TTC39A: variants seen among roughly 807,000 people sequenced by gnomAD.
TTC39A encodes tetratricopeptide repeat protein 39A.
TTC39A carries 46 observed loss-of-function variants against 82.3 expected under a neutral mutation model. The observed-to-expected ratio is 0.56, with a 90% CI of 0.44 to 0.71. TTC39A has a LOEUF of 0.71. TTC39A is among the 30% of genes least tolerant of loss of function. The probability of loss-of-function intolerance (pLI) is 0.00; values close to 1 mark genes in which losing one functional copy is unlikely to be tolerated. For synonymous variants in TTC39A, 254 were observed against 275.2 expected, an observed-to-expected ratio of 0.92 and a Z score of 0.76; for missense variants, 543 against 712.9, an observed-to-expected ratio of 0.76 and a Z score of 2.71.
chr1:51,288,338 C>T lies in TTC39A; in HGVS notation c.1611-58G>A. The T allele has an allele frequency of 6.2e-7, 1 of 1,610,968 alleles. No individual in the cohort carries two copies. The highest frequency in any genetic ancestry group is 1.1e-5 in the South Asian group (1 of 90,690). ...CTGCCTGCTCCCAGAGATGCTTTTC[C>T]TCCTGTTTGAGCTGTATGAGCCCCG... On this transcript the variant is annotated intron_variant, in intron 17 of 17. Transcript: ENST00000680483. This position sits in a 1 kb window ranked among gnomAD's most constrained non-coding sequence, Gnocchi z 4.8.
rs1348257320 is a variant in TTC39A at position 51,294,436 on chromosome 1, C to A, written c.1221G>T (p.Arg407=). 3.1e-6 allele frequency: 5 copies of A among 1,613,870 alleles called. No homozygotes were observed. In the Admixed American group the frequency reaches 6.7e-5, roughly 22 times the overall value. ...PTEKFAIRKS[R]RYFSSNPISL... is the part of the protein sequence containing the mutation. ...AGATAGGGTTGGAGGAGAAGTAGCGCCGGGACTTCCGGATGGCAAACTTCT... is the reference window on the plus strand; with the variant it reads ...AGATAGGGTTGGAGGAGAAGTAGCGACGGGACTTCCGGATGGCAAACTTCT... Residue 407 remains arginine (R), a synonymous_variant, in exon 14 of 18, where the codon CGG becomes CGT. Coordinates refer to ENST00000680483, the MANE Select transcript of TTC39A (RefSeq NM_001297663.2). The surrounding 1 kb of genome is among the most constrained non-coding windows in gnomAD (Gnocchi z 4.3).
At chr1:51,317,663 T>G (rs1645338955) in intron 2 of TTC39A, among the ~76,000 whole-genome samples, 1 of 152,058 alleles carries the variant, frequency 6.6e-6, no homozygotes, top group African/African-American at 2.4e-5. Flanking sequence ...GGCAGGAGAA[T>G]CGCTTGAACC....
At chr1:51,344,263 C>T (rs1430800430) in intron 1 of TTC39A, among the ~76,000 whole-genome samples, 3 of 152,114 alleles carry the variant, frequency 2.0e-5, no homozygotes, top group Admixed American at 2.0e-4. Flanking sequence ...CTTTCCCTGG[C>T]ACAGCAGGGT....
At chr1:51,312,031 G>C in intron 4 of TTC39A, 88 bp downstream of exon 4, 1 of 1,387,332 alleles carries the variant, frequency 7.2e-7, no homozygotes, top group East Asian at 2.5e-5. Context: ...CCCCCTAGGC[G>C]ATGACAGGGA....
chr1:51,306,853 A>ACCAC (rs1644885655), intron 6 of TTC39A, among the ~76,000 whole-genome samples: 1 of 60,184 alleles, frequency 1.7e-5, no homozygotes, highest in Non-Finnish European at 3.0e-5. Context: ...TAAGGGACAG[A>ACCAC]CCCCCCCCCC....
chr1:51,330,541 G>T lies in TTC39A; in HGVS notation c.-64C>A. 2.0e-6 allele frequency: 2 copies of T among 983,516 alleles called. No homozygotes were observed. Among genetic ancestry groups the T allele is most frequent in the African/African-American group, 3.5e-5 (2 of 56,876 alleles). The allele number at this position is 983,516 out of a possible 1,614,324, so 60.9% of individuals were successfully genotyped here. On this transcript the variant is annotated 5_prime_UTR_variant, in exon 1 of 18. Transcript: ENST00000680483. This position sits in a 1 kb window ranked among gnomAD's most constrained non-coding sequence, Gnocchi z 4.5. ...CAATCGCGGCCCAGGTGCTGCCGCCGCAACCCCGAGCCGGGCGCTGTGCGG... is the reference window on the plus strand; with the variant it reads ...CAATCGCGGCCCAGGTGCTGCCGCCTCAACCCCGAGCCGGGCGCTGTGCGG...
At chr1:51,318,655 G>A (rs1185119602) in intron 2 of TTC39A, among the ~76,000 whole-genome samples, 1 of 152,208 alleles carries the variant, frequency 6.6e-6, no homozygotes, top group Non-Finnish European at 1.5e-5. Context: ...GGGACAAGCT[G>A]GAGCTGAAAA....
chr1:51,318,766 C>G (rs11800254), intron 2 of TTC39A, among the ~76,000 whole-genome samples: 33,367 of 152,090 alleles, frequency 0.22, 5,142 homozygotes, highest in African/African-American at 0.44. Context: ...GAGAAATGGA[C>G]GACTCCTCTC....
At chr1:51,342,169 T>C (rs922336375) in intron 1 of TTC39A, among the ~76,000 whole-genome samples, 1 of 152,164 alleles carries the variant, frequency 6.6e-6, no homozygotes, top group Non-Finnish European at 1.5e-5. Context: ...TAGGGTGCGG[T>C]CCCCATTGTA....
chr1:51,324,129 GT>G lies in TTC39A; in HGVS notation c.42-2305del, dbSNP rs569697692. 8.4e-4 allele frequency among the ~76,000 whole-genome samples: 128 copies of G among 152,298 alleles called. 1 individual carries two copies. The highest frequency in any genetic ancestry group is 2.9e-3 in the African/African-American group (120 of 41,556). The stretch of plus-strand genomic sequence containing the variant: ...TGGTGTGCCATCAAACCCAAAGTTT[GT>G]GTGATGGCAGACCAGTATTTATCAT... On this transcript the variant is annotated intron_variant, in intron 1 of 17. Coordinates refer to ENST00000680483, the MANE Select transcript of TTC39A (RefSeq NM_001297663.2).
At chr1:51,313,656 C>T (rs1242118416) in intron 2 of TTC39A, among the ~76,000 whole-genome samples, 3 of 152,156 alleles carry the variant, frequency 2.0e-5, no homozygotes, top group African/African-American at 7.2e-5. Context: ...GAGAAAATCC[C>T]ACATTTCCCT....
intron 6 of TTC39A, 33 bp downstream of exon 6, chr1:51,309,228 T>A: frequency 6.3e-7 from 1 of 1,577,424 alleles, no homozygotes; most frequent in Middle Eastern, 1.7e-4. Context: ...TGGCCCAGGG[T>A]CTCCCCACAA....
rs1208537828 is a variant in TTC39A at position 51,321,101 on chromosome 1, T to C, written c.146+620A>G. 6.6e-6 allele frequency among the ~76,000 whole-genome samples: 1 copy of C among 152,132 alleles called. No individual in the cohort carries two copies. Among genetic ancestry groups the C allele is most frequent in the African/African-American group, 2.4e-5 (1 of 41,448 alleles). On this transcript the variant is annotated intron_variant, in intron 2 of 17. Transcript: ENST00000680483. This position sits in a 1 kb window ranked among gnomAD's most constrained non-coding sequence, Gnocchi z 4.6. The stretch of plus-strand genomic sequence containing the variant: ...GTTGGCCAGGCTGGTCTTGAACTTC[T>C]GACCTCAAGTGATCCACCCGCCTTG...
chr1:51,324,258 C>T (rs1265728551), intron 1 of TTC39A, among the ~76,000 whole-genome samples: 1 of 152,174 alleles, frequency 6.6e-6, no homozygotes, highest in East Asian at 1.9e-4. Context: ...GGCTGTAGCC[C>T]TTGGAGGGTC....
intron 2 of TTC39A, among the ~76,000 whole-genome samples, chr1:51,313,754 T>C (rs184733435): frequency 5.1e-4 from 78 of 152,278 alleles, no homozygotes; most frequent in Middle Eastern, 3.4e-3. Flanking sequence ...ATCCCAGCAC[T>C]CTGGGAGGGC....
intron 8 of TTC39A, among the ~76,000 whole-genome samples, chr1:51,304,272 A>G (rs575544286): frequency 1.1e-4 from 17 of 152,216 alleles, no homozygotes; most frequent in Non-Finnish European, 2.5e-4. Context: ...TTTCCTTTAA[A>G]TCAATTTCAG....
At chr1:51,308,383 G>A (rs1396894640) in intron 6 of TTC39A, among the ~76,000 whole-genome samples, 2 of 152,016 alleles carry the variant, frequency 1.3e-5, no homozygotes, top group Non-Finnish European at 1.5e-5. Context: ...GGGATTACAG[G>A]TGCCTGCCAC....
chr1:51,325,360 G>A (rs998651492), intron 1 of TTC39A, among the ~76,000 whole-genome samples: 2 of 152,040 alleles, frequency 1.3e-5, no homozygotes, highest in Non-Finnish European at 2.9e-5. Flanking sequence ...GGCCTAAAAG[G>A]CCCCACCTGA....
intron 1 of TTC39A, among the ~76,000 whole-genome samples, chr1:51,342,785 C>T (rs569115263): frequency 2.0e-4 from 31 of 152,304 alleles, no homozygotes; most frequent in African/African-American, 7.2e-4. Flanking sequence ...CACTTCCTCA[C>T]ACAGGCCCAC....
Sources: allele counts gnomAD v4.1 joint callset (sites outside exome capture counted in the v4.1 genomes callset), GRCh38; gene constraint gnomAD v4.1.1; non-coding constraint Gnocchi (gnomAD v3.1); transcripts MANE v1.5; gene names NCBI Gene and HGNC (gene_info 2026-07-23, HGNC 2026-07-21).